SLC30A1: variants seen among roughly 807,000 people sequenced by gnomAD.
SLC30A1 encodes solute carrier family 30 member 1.
A neutral mutation model predicts 29.8 loss-of-function variants in SLC30A1; 7 were observed. The observed-to-expected ratio is 0.23, with a 90% confidence interval of 0.13 to 0.44. The LOEUF is 0.44. Ranked by LOEUF, SLC30A1 falls within the 20% of genes least tolerant of loss-of-function variation. The probability of loss-of-function intolerance (pLI) is 1.00; values close to 1 mark genes in which losing one functional copy is unlikely to be tolerated. For missense variants in SLC30A1, 446 were observed against 647.9 expected (o/e 0.69, Z 3.38); for synonymous variants, 254 against 253.5 (o/e 1.00, Z -0.02).
In SLC30A1 at chr1:211,573,032, G is replaced by A. The variant is rs1193412390; in HGVS notation, c.*2356C>T. 1 of 151,942 alleles carries A rather than the reference G, an allele frequency of 6.6e-6. No individual in the cohort carries two copies. The highest frequency in any genetic ancestry group is 1.5e-5 in the Non-Finnish European group (1 of 67,874). 9.4% of individuals were successfully genotyped at this position (151,942 alleles called of 1,614,324 possible). On this transcript the variant is annotated 3_prime_UTR_variant, in exon 2 of 2. Transcript: ENST00000367001. Reference sequence around the variant, plus strand: ...TATTTCCCTCATTTTCTTTCAGAAAGGAATAAGCTATTTTGAGAAAGACAC... The same window carrying A: ...TATTTCCCTCATTTTCTTTCAGAAAAGAATAAGCTATTTTGAGAAAGACAC...
rs1293133659 is a variant in SLC30A1 at position 211,577,756 on chromosome 1, G to A, written c.622+235C>T. Among the ~76,000 whole-genome samples the A allele has an allele frequency of 6.6e-6, 1 of 152,210 alleles. No individual in the cohort carries two copies. Among genetic ancestry groups the A allele is most frequent in the Admixed American group, 6.5e-5 (1 of 15,288 alleles). On this transcript the variant is annotated intron_variant, in intron 1 of 1. Coordinates refer to ENST00000367001, the MANE Select transcript of SLC30A1 (RefSeq NM_021194.3). The surrounding 1 kb of genome is among the most constrained non-coding windows in gnomAD (Gnocchi z 4.5). The stretch of plus-strand genomic sequence containing the variant: ...CCTTTTTCTTAGGGTCTGACCCACA[G>A]CCCCCACCTACAAATATGCCAGACG...
chr1:211,578,073 G>C lies in SLC30A1; in HGVS notation c.540C>G (p.Gly180=). Residue 180 remains glycine (G), a synonymous_variant, in exon 1 of 2, where the codon GGC becomes GGG. Transcript: ENST00000367001. ...TCTCCTCCTGGTCGGGACCCTGCTC[G>C]CCCGGGGCCACGTTGATGTCGCTGC... ...PGSSDINVAP[G]EQGPDQEETN... 6.2e-7 allele frequency: 1 copy of C among 1,612,564 alleles called. No homozygotes were observed. Among genetic ancestry groups the C allele is most frequent in the Non-Finnish European group, 8.5e-7 (1 of 1,179,618 alleles).
Position 211,572,885 on chromosome 1 carries a change from T to C in SLC30A1, c.*2503A>G, listed in dbSNP as rs893033660. On this transcript the variant is annotated 3_prime_UTR_variant, in exon 2 of 2. Transcript: ENST00000367001. ...CAACAGACAAGTTTCTAAACACATA[T>C]TCTACACTGATCTTGCTCAAATATA... 2 of 152,076 alleles carry C rather than the reference T, an allele frequency of 1.3e-5. No homozygotes were observed. Among genetic ancestry groups the C allele is most frequent in the African/African-American group, 4.8e-5 (2 of 41,442 alleles). The allele number at this position is 152,076 out of a possible 1,614,324, so 9.4% of individuals were successfully genotyped here.
chr1:211,573,673 G>C lies in SLC30A1; in HGVS notation c.*1715C>G, dbSNP rs1428395783. The C allele has an allele frequency of 6.6e-6, 1 of 151,864 alleles. No individual in the cohort carries two copies. The highest frequency in any genetic ancestry group is 1.5e-5 in the Non-Finnish European group (1 of 67,860). The allele number at this position is 151,864 out of a possible 1,614,324, so 9.4% of individuals were successfully genotyped here. On this transcript the variant is annotated 3_prime_UTR_variant, in exon 2 of 2. Coordinates refer to ENST00000367001, the MANE Select transcript of SLC30A1 (RefSeq NM_021194.3). Reference sequence around the variant, plus strand: ...CCCAAACCTTTTCGCAAAATTCAAGGTAACTATCAGTTTAGGAATTGAATT... The same window carrying C: ...CCCAAACCTTTTCGCAAAATTCAAGCTAACTATCAGTTTAGGAATTGAATT...
chr1:211,575,939 C>T lies in SLC30A1; in HGVS notation c.973G>A (p.Val325Ile). ...YLDPTLCVVM[V>I]CILLYTTYPL... is the part of the protein sequence containing the mutation. ...TAGGTTGTGTAAAGAAGTATACAAA[C>T]CATTACAACACAAAGAGTTGGATCT... Residue 325 changes from valine (V) to isoleucine (I), a missense_variant, in exon 2 of 2, where the codon GTT becomes ATT. Val to Ile is a conservative substitution (Grantham distance 29). Around this residue, in one of 5 missense-constraint regions of SLC30A1, gnomAD observed 187 missense variants for 312.7 expected, o/e 0.60. Transcript: ENST00000367001. This position sits in a 1 kb window ranked among gnomAD's most constrained non-coding sequence, Gnocchi z 6.0. The T allele has an allele frequency of 6.2e-7, 1 of 1,613,102 alleles. No individual in the cohort carries two copies. The highest frequency in any genetic ancestry group is 8.5e-7 in the Non-Finnish European group (1 of 1,179,420).
In SLC30A1 at chr1:211,574,384, TAGAA is replaced by T. The variant is rs1278338138; in HGVS notation, c.*1000_*1003del. On this transcript the variant is annotated 3_prime_UTR_variant, in exon 2 of 2. Coordinates refer to ENST00000367001, the MANE Select transcript of SLC30A1 (RefSeq NM_021194.3). ...TCTTTCCTCTCAAGTCAGTGACTCTTAGAAAGCACAAACATTGCTGGTTGTGCTC... is the reference window on the plus strand; with the variant it reads ...TCTTTCCTCTCAAGTCAGTGACTCTTAGCACAAACATTGCTGGTTGTGCTC... 2 of 152,104 alleles carry T rather than the reference TAGAA, an allele frequency of 1.3e-5. No homozygotes were observed. Among genetic ancestry groups the T allele is most frequent in the African/African-American group, 2.4e-5 (1 of 41,440 alleles). 9.4% of individuals were successfully genotyped at this position (152,104 alleles called of 1,614,324 possible).
chr1:211,578,231 C>G lies in SLC30A1; in HGVS notation c.382G>C (p.Val128Leu). The change falls in exon 1 of 2, where the codon GTG (valine) becomes CTG (leucine). Residue 128 changes from valine to leucine, a missense_variant. This residue lies in a region of SLC30A1 where 159 missense variants were observed against 161.1 expected (regional missense o/e 0.99). Transcript: ENST00000367001. ...TGGTGGAAGAGGCAGAGCCCCAGCA[C>G]GTTGACCAGCAGCCCGGCCACGCCG... is the stretch of plus-strand genomic sequence containing the variant. ...GVGVAGLLVN[V>L]LGLCLFHHHS... 6.2e-7 allele frequency: 1 copy of G among 1,611,746 alleles called. No individual in the cohort carries two copies. Among genetic ancestry groups the G allele is most frequent in the South Asian group, 1.1e-5 (1 of 90,812 alleles).
At position 211,578,659 on chromosome 1, in the gene SLC30A1, G is replaced by A. The variant is rs1302029522; in HGVS notation, c.-47C>T. 1 of 1,442,520 alleles carries A rather than the reference G, an allele frequency of 6.9e-7. No homozygotes were observed. Among genetic ancestry groups the A allele is most frequent in the Non-Finnish European group, 9.0e-7 (1 of 1,107,598 alleles). The allele number at this position is 1,442,520 out of a possible 1,614,324, so 89.4% of individuals were successfully genotyped here. ...CGAGCCCGGCCCGGAGACTGGTGCAGCGGCGGCGTTGGCGGGACGCGGAGG... is the reference window on the plus strand; with the variant it reads ...CGAGCCCGGCCCGGAGACTGGTGCAACGGCGGCGTTGGCGGGACGCGGAGG... On this transcript the variant is annotated 5_prime_UTR_variant, in exon 1 of 2. Coordinates refer to ENST00000367001, the MANE Select transcript of SLC30A1 (RefSeq NM_021194.3).
At position 211,576,134 on chromosome 1, in the gene SLC30A1, C is replaced by G. The variant is rs556618137; in HGVS notation, c.778G>C (p.Val260Leu). 6.2e-7 allele frequency: 1 copy of G among 1,614,084 alleles called. No homozygotes were observed. Among genetic ancestry groups the G allele is most frequent in the Admixed American group, 1.7e-5 (1 of 60,020 alleles). The stretch of plus-strand genomic sequence containing the variant: ...ACTAAGGCATTTACTACTACAATCA[C>G]TGAACCCAAGGCATCTCCAAGGACA... The part of the protein sequence containing the change: ...LHVLGDALGS[V>L]IVVVNALVFY... Residue 260 changes from valine (V) to leucine (L), a missense_variant, in exon 2 of 2, where the codon GTG (valine) becomes CTG (leucine). Around this residue, in one of 5 missense-constraint regions of SLC30A1, gnomAD observed 187 missense variants for 312.7 expected, o/e 0.60. Transcript: ENST00000367001.
In SLC30A1 at chr1:211,578,199, G is replaced by C; in HGVS notation, c.414C>G (p.Ser138Arg). ...VLGLCLFHHH[S>R]GFSQDSGHGH... ...CGTGGCCGGAGTCCTGGCTGAAGCCGCTGTGATGGTGGAAGAGGCAGAGCC... is the reference window on the plus strand; with the variant it reads ...CGTGGCCGGAGTCCTGGCTGAAGCCCCTGTGATGGTGGAAGAGGCAGAGCC... The change falls in exon 1 of 2, where the codon AGC becomes AGG. Residue 138 changes from serine to arginine, a missense_variant. Transcript: ENST00000367001. 1 of 1,610,458 alleles carries C rather than the reference G, an allele frequency of 6.2e-7. No homozygotes were observed. The highest frequency in any genetic ancestry group is 2.2e-5 in the East Asian group (1 of 44,800).
Position 211,578,673 on chromosome 1 carries a change from G to C in SLC30A1, c.-61C>G. 7.1e-7 allele frequency: 1 copy of C among 1,406,620 alleles called. No homozygotes were observed. The highest frequency in any genetic ancestry group is 9.2e-7 in the Non-Finnish European group (1 of 1,086,724). The allele number at this position is 1,406,620 out of a possible 1,614,324, so 87.1% of individuals were successfully genotyped here. ...AGACTGGTGCAGCGGCGGCGTTGGC[G>C]GGACGCGGAGGGTCGGCGACCGCGA... On this transcript the variant is annotated 5_prime_UTR_variant, in exon 1 of 2. Transcript: ENST00000367001.
chr1:211,578,911 G>T lies in SLC30A1; in HGVS notation c.-299C>A, dbSNP rs1432446066. ...TCAGCAGCCCCCACACCCAGGCGGC[G>T]GCGGTGGCGGGGAGCTGGGCTCCCG... On this transcript the variant is annotated 5_prime_UTR_variant, in exon 1 of 2. Transcript: ENST00000367001. 6.6e-6 allele frequency among the ~76,000 whole-genome samples: 1 copy of T among 152,200 alleles called. No individual in the cohort carries two copies. The highest frequency in any genetic ancestry group is 2.4e-5 in the African/African-American group (1 of 41,462).
At position 211,574,058 on chromosome 1, in the gene SLC30A1, T is replaced by C. The variant is rs183702914; in HGVS notation, c.*1330A>G. Reference sequence around the variant, plus strand: ...GTTTCTAGAAAAATAGAGCTATACATAACTGATGCTAATATTAATCCTTTC... The same window carrying C: ...GTTTCTAGAAAAATAGAGCTATACACAACTGATGCTAATATTAATCCTTTC... On this transcript the variant is annotated 3_prime_UTR_variant, in exon 2 of 2. Transcript: ENST00000367001. 2 of 152,630 alleles carry C rather than the reference T, an allele frequency of 1.3e-5. No homozygotes were observed. The highest frequency in any genetic ancestry group is 2.4e-5 in the African/African-American group (1 of 41,578). 9.5% of individuals were successfully genotyped at this position (152,630 alleles called of 1,614,324 possible). A position where few individuals can be genotyped will look rare whatever the true frequency, so the allele number is the denominator to read the frequency against.
chr1:211,576,268 C>T lies in SLC30A1; in HGVS notation c.644G>A (p.Gly215Asp), dbSNP rs1332265599. The change falls in exon 2 of 2, where the codon GGT becomes GAT. Residue 215 changes from glycine to aspartate, a missense_variant. This residue lies in a region of SLC30A1 where 159 missense variants were observed against 161.1 expected (regional missense o/e 0.99). Transcript: ENST00000367001. ...ATTCACTTGTACTTCCACTGTATCA[C>T]CACTTCTGGGGTTTTCTGGGTCTAC... ...DPADPENPRS[G>D]DTVEVQVNGN... 1 of 1,599,914 alleles carries T rather than the reference C, an allele frequency of 6.3e-7. No individual in the cohort carries two copies. The highest frequency in any genetic ancestry group is 8.5e-7 in the Non-Finnish European group (1 of 1,174,356).
chr1:211,577,137 A>C lies in SLC30A1; in HGVS notation c.623-848T>G, dbSNP rs1188585663. 2.6e-5 allele frequency among the ~76,000 whole-genome samples: 4 copies of C among 152,250 alleles called. No individual in the cohort carries two copies. Among genetic ancestry groups the C allele is most frequent in the African/African-American group, 4.8e-5 (2 of 41,460 alleles). On this transcript the variant is annotated intron_variant, in intron 1 of 1. Transcript: ENST00000367001. The surrounding 1 kb of genome is among the most constrained non-coding windows in gnomAD (Gnocchi z 4.5). ...ATGTAGCATAATTTATAATGATACA[A>C]GGTAAATAAACGTAAGTGAAGGAAA...
Position 211,577,586 on chromosome 1 carries a change from C to G in SLC30A1, c.622+405G>C, listed in dbSNP as rs1706734666. On this transcript the variant is annotated intron_variant, in intron 1 of 1. Coordinates refer to ENST00000367001, the MANE Select transcript of SLC30A1 (RefSeq NM_021194.3). The surrounding 1 kb of genome is among the most constrained non-coding windows in gnomAD (Gnocchi z 4.5). ...ACGAATTGGGGATTCTCTCCGTTTC[C>G]CAAGAGGGCCAAGGAATTGAATTGG... 2.0e-5 allele frequency among the ~76,000 whole-genome samples: 3 copies of G among 152,152 alleles called. No homozygotes were observed. Among genetic ancestry groups the G allele is most frequent in the Non-Finnish European group, 4.4e-5 (3 of 68,016 alleles).
intron 1 of SLC30A1, among the ~76,000 whole-genome samples, chr1:211,576,673 C>G (rs1227605867): frequency 6.6e-6 from 1 of 152,156 alleles, no homozygotes; most frequent in Non-Finnish European, 1.5e-5. Context: ...TCTACTAATA[C>G]AAAATACCTG....
At position 211,578,481 on chromosome 1, in the gene SLC30A1, C is replaced by A; in HGVS notation, c.132G>T (p.Met44Ile). 6.2e-7 allele frequency: 1 copy of A among 1,612,736 alleles called. No individual in the cohort carries two copies. ...SLAMLSDSFH[M>I]LSDVLALVVA... ...CCACCAGCGCCAGCACGTCCGACAG[C>A]ATGTGGAAGGAGTCGGAGAGCATCG... The change falls in exon 1 of 2, where the codon ATG becomes ATT. Residue 44 changes from methionine (M) to isoleucine (I), a missense_variant. By Grantham distance (10) the Met-to-Ile change is conservative (BLOSUM62 1). This residue lies in a region of SLC30A1 where 62 missense variants were observed against 91.5 expected (regional missense o/e 0.68). Transcript: ENST00000367001.
rs1267440118 is a variant in SLC30A1, at chr1:211,575,215, T to C, written c.*173A>G. ...GTACTCTGTACTAATAATCACAAAA[T>C]TGTAATATAGAACTCTGTTATGCAG... On this transcript the variant is annotated 3_prime_UTR_variant, in exon 2 of 2. Coordinates refer to ENST00000367001, the MANE Select transcript of SLC30A1 (RefSeq NM_021194.3). This position sits in a 1 kb window ranked among gnomAD's most constrained non-coding sequence, Gnocchi z 6.0. The C allele has an allele frequency of 1.6e-6, 1 of 607,410 alleles. No individual in the cohort carries two copies. Among genetic ancestry groups the C allele is most frequent in the Non-Finnish European group, 2.9e-6 (1 of 350,868 alleles). The allele number at this position is 607,410 out of a possible 1,614,324, so 37.6% of individuals were successfully genotyped here. A position where few individuals can be genotyped will look rare whatever the true frequency, so the allele number is the denominator to read the frequency against.
Sources: gnomAD v4.1 joint callset for allele counts (sites outside exome capture counted in the v4.1 genomes callset) on GRCh38, gnomAD v4.1.1 for gene constraint, gnomAD v4.1.1 regional missense constraint, Gnocchi (gnomAD v3.1) non-coding constraint, MANE v1.5 for transcripts, NCBI Gene and HGNC (gene_info 2026-07-23, HGNC 2026-07-21) for gene names.